The following AGTR1 variants were observed in gnomAD, a reference collection of about 807,000 sequenced individuals.
AGTR1 encodes type-1 angiotensin II receptor.
AGTR1 carries 16 observed loss-of-function variants against 19.4 expected under a neutral mutation model. The observed-to-expected ratio is 0.82, with a 90% CI of 0.56 to 1.25. AGTR1 has a LOEUF of 1.25. AGTR1 is among the 50% of genes most tolerant of loss of function. The pLI is 0.00. For synonymous variants in AGTR1, 153 were observed against 154.9 expected, an observed-to-expected ratio of 0.99 and a Z score of 0.09; for missense variants, 373 against 431.9, an observed-to-expected ratio of 0.86 and a Z score of 1.21.
chr3:148,742,296 A>G lies in AGTR1; in HGVS notation c.*181A>G. On this transcript the variant is annotated 3_prime_UTR_variant, in exon 3 of 3. Coordinates refer to ENST00000349243, the MANE Select transcript of AGTR1 (RefSeq NM_000685.5). ...ACAAAAGCTTTTCTTTCCTTTTGCA[A>G]CAAGACAAAGCAAAGCCACATTTTG... 2.2e-6 allele frequency: 2 copies of G among 921,752 alleles called. No individual in the cohort carries two copies. The highest frequency in any genetic ancestry group is 3.6e-6 in the Non-Finnish European group (2 of 561,786). The allele number at this position is 921,752 out of a possible 1,614,324, so 57.1% of individuals were successfully genotyped here.
rs1369905389 is a variant in AGTR1 at position 148,741,613 on chromosome 3, T to C, written c.578T>C (p.Ile193Thr). 10 of 1,613,986 alleles carry C rather than the reference T, an allele frequency of 6.2e-6. No homozygotes were observed. The highest frequency in any genetic ancestry group is 8.5e-6 in the Non-Finnish European group (10 of 1,179,986). Residue 193 changes from isoleucine (I) to threonine (T), a missense_variant, in exon 3 of 3, where the codon ATA becomes ACA. Physicochemically the swap from Ile to Thr is moderately conservative, Grantham distance 89 (BLOSUM62 -1). Transcript: ENST00000349243. Reference sequence around the variant, plus strand: ...GAGTCCCAAAATTCAACCCTCCCGATAGGGCTGGGCCTGACCAAAAATATA... The same window carrying C: ...GAGTCCCAAAATTCAACCCTCCCGACAGGGCTGGGCCTGACCAAAAATATA... ...HYESQNSTLP[I>T]GLGLTKNILG...
chr3:148,740,949 A>AAGAATT (rs1714835582), intron 2 of AGTR1, 40 bp from the exon 3 acceptor site: 2 of 1,542,796 alleles, frequency 1.3e-6, no homozygotes, highest in Admixed American at 3.5e-5. Context: ...TGTTTACAAT[A>AAGAATT]AGAATTTTTT....
At chr3:148,713,281 G>T (rs144041345) in intron 2 of AGTR1, among the ~76,000 whole-genome samples, 66 of 151,052 alleles carry the variant, frequency 4.4e-4, no homozygotes, top group African/African-American at 1.6e-3. Context: ...GGTTTCTATG[G>T]TATCACCATC....
intron 2 of AGTR1, among the ~76,000 whole-genome samples, chr3:148,715,534 A>G (rs1713256208): frequency 6.6e-6 from 1 of 152,152 alleles, no homozygotes; most frequent in Non-Finnish European, 1.5e-5. Flanking sequence ...GTAAGAAATA[A>G]GAAATAATCA....
intron 2 of AGTR1, among the ~76,000 whole-genome samples, chr3:148,722,819 T>TA (rs2107949757): frequency 6.6e-6 from 1 of 152,286 alleles, no homozygotes; most frequent in East Asian, 1.9e-4. Context: ...TCACATGAAA[T>TA]ACAATTAATA....
chr3:148,724,064 T>C (rs967159118), intron 2 of AGTR1, among the ~76,000 whole-genome samples: 1 of 152,138 alleles, frequency 6.6e-6, no homozygotes, highest in African/African-American at 2.4e-5. Flanking sequence ...AATATATATA[T>C]ATATTAGTTG....
intron 2 of AGTR1, among the ~76,000 whole-genome samples, chr3:148,726,420 G>T (rs572770743): frequency 1.3e-5 from 2 of 152,150 alleles, no homozygotes; most frequent in African/African-American, 4.8e-5. Context: ...TGCTGGCCAG[G>T]CTGGTCTCGA....
intron 1 of AGTR1, among the ~76,000 whole-genome samples, chr3:148,706,546 T>C (rs976123286): frequency 6.6e-6 from 1 of 151,980 alleles, no homozygotes; most frequent in Non-Finnish European, 1.5e-5. Flanking sequence ...CAGTAAAAAG[T>C]ACCATAAACA....
At chr3:148,737,517 C>T (rs1453948346) in intron 2 of AGTR1, among the ~76,000 whole-genome samples, 1 of 152,166 alleles carries the variant, frequency 6.6e-6, no homozygotes, top group African/African-American at 2.4e-5. Flanking sequence ...TTTAAGGCTC[C>T]TGTCCCCCTG....
At chr3:148,718,575 C>G (rs1455561150) in intron 2 of AGTR1, among the ~76,000 whole-genome samples, 1 of 152,166 alleles carries the variant, frequency 6.6e-6, no homozygotes, top group Non-Finnish European at 1.5e-5. Flanking sequence ...GCAAGTGTCA[C>G]CTCTATTATA....
chr3:148,714,529 G>A (rs966977164), intron 2 of AGTR1, among the ~76,000 whole-genome samples: 1 of 152,112 alleles, frequency 6.6e-6, no homozygotes, highest in Non-Finnish European at 1.5e-5. Flanking sequence ...GTGAAATCAA[G>A]TATTGAAGAG....
Position 148,742,192 on chromosome 3 carries a change from C to T in AGTR1, c.*77C>T, listed in dbSNP as rs1203114784. The T allele has an allele frequency of 1.3e-6, 2 of 1,561,878 alleles. No homozygotes were observed. The highest frequency in any genetic ancestry group is 1.7e-5 in the Admixed American group (1 of 59,908). ...ACATTCCTCTGCAGCACTTCACTACCAAATGAGCATTAGCTACTTTTCAGA... is the reference window on the plus strand; with the variant it reads ...ACATTCCTCTGCAGCACTTCACTACTAAATGAGCATTAGCTACTTTTCAGA... On this transcript the variant is annotated 3_prime_UTR_variant, in exon 3 of 3. Coordinates refer to ENST00000349243, the MANE Select transcript of AGTR1 (RefSeq NM_000685.5).
At chr3:148,708,233 C>T (rs1372485254) in intron 2 of AGTR1, among the ~76,000 whole-genome samples, 1 of 152,148 alleles carries the variant, frequency 6.6e-6, no homozygotes, top group Non-Finnish European at 1.5e-5. Flanking sequence ...ACATAAATAA[C>T]ATCAGAATTA....
chr3:148,736,563 T>C (rs1159578095), intron 2 of AGTR1, among the ~76,000 whole-genome samples: 6 of 152,252 alleles, frequency 3.9e-5, no homozygotes, highest in Admixed American at 6.5e-5. Flanking sequence ...TACCAAGTGC[T>C]TTAACATTAT....
chr3:148,700,007 G>A (rs1025520630), intron 1 of AGTR1, among the ~76,000 whole-genome samples: 1 of 152,148 alleles, frequency 6.6e-6, no homozygotes, highest in Non-Finnish European at 1.5e-5. Flanking sequence ...TCAGTCACAG[G>A]TGCTGCGGCA....
chr3:148,739,080 C>T (rs370074533), intron 2 of AGTR1, among the ~76,000 whole-genome samples: 15 of 152,118 alleles, frequency 9.9e-5, no homozygotes, highest in East Asian at 3.9e-4. Context: ...GTTTCAAGGC[C>T]GGGTGCGGTG....
At chr3:148,737,431 G>A (rs1576539705) in intron 2 of AGTR1, among the ~76,000 whole-genome samples, 2 of 151,800 alleles carry the variant, frequency 1.3e-5, no homozygotes, top group East Asian at 3.9e-4. Context: ...CACCAATCTG[G>A]GTCAGTGATA....
intron 2 of AGTR1, chr3:148,731,087 A>T (rs1053916543): frequency 6.6e-6 from 1 of 152,204 alleles, no homozygotes; most frequent in South Asian, 2.1e-4. Context: ...TGGATTAAAT[A>T]TTTTATCAAA....
intron 2 of AGTR1, among the ~76,000 whole-genome samples, chr3:148,737,016 G>A (rs113367909): frequency 2.6e-5 from 4 of 152,082 alleles, no homozygotes; most frequent in African/African-American, 9.7e-5. Context: ...CATCCGTTCA[G>A]CTTCAAAGAA....
Sources: gnomAD v4.1 joint callset for allele counts (sites outside exome capture counted in the v4.1 genomes callset) on GRCh38, gnomAD v4.1.1 for gene constraint, MANE v1.5 for transcripts, NCBI Gene and HGNC (gene_info 2026-07-23, HGNC 2026-07-21) for gene names.